Variants in PBX3 observed in about 807,000 individuals in gnomAD.
PBX3 encodes pre-B-cell leukemia transcription factor 3.
A neutral mutation model predicts 48.5 loss-of-function variants in PBX3; 14 were observed. The ratio of observed to expected loss-of-function variants is 0.29; its 90% confidence interval spans 0.19 to 0.45. PBX3 has a LOEUF of 0.45. Among genes scored for constraint, PBX3 ranks in the 20% least tolerant of loss-of-function variants. The pLI, the probability that PBX3 is intolerant of heterozygous loss-of-function variation, is 1.00. For missense variants in PBX3, 386 were observed against 546.7 expected, an observed-to-expected ratio of 0.71 and a Z score of 2.93; for synonymous variants, 210 against 200.3, an observed-to-expected ratio of 1.05 and a Z score of -0.41.
At chr9:125,769,937 A>G (rs1836899930) in intron 2 of PBX3, among the ~76,000 whole-genome samples, 1 of 152,162 alleles carries the variant, frequency 6.6e-6, no homozygotes, top group Admixed American at 6.5e-5. Flanking sequence ...AATTTATTTA[A>G]GCTCAACTGG....
At chr9:125,865,586 G>C (rs1306964709) in intron 2 of PBX3, among the ~76,000 whole-genome samples, 1 of 152,088 alleles carries the variant, frequency 6.6e-6, no homozygotes. Context: ...AATGAGCATG[G>C]ACTCCATTCC....
chr9:125,841,424 CTA>C (rs1839287212), intron 2 of PBX3, among the ~76,000 whole-genome samples: 1 of 152,140 alleles, frequency 6.6e-6, no homozygotes, highest in African/African-American at 2.4e-5. Flanking sequence ...ACCCTAGGTA[CTA>C]TGTTTTTTGT....
chr9:125,757,648 G>T (rs917296690), intron 2 of PBX3, among the ~76,000 whole-genome samples: 1 of 152,152 alleles, frequency 6.6e-6, no homozygotes, highest in Admixed American at 6.5e-5. Flanking sequence ...ATTGTGCAGT[G>T]ATTTCTGTGG....
intron 3 of PBX3, among the ~76,000 whole-genome samples, chr9:125,926,818 C>A (rs1219290981): frequency 6.6e-6 from 1 of 151,980 alleles, no homozygotes; most frequent in Admixed American, 6.6e-5. Context: ...TAAACTCCGT[C>A]TCAAAAAAAA....
intron 2 of PBX3, among the ~76,000 whole-genome samples, chr9:125,806,132 T>C (rs1838118724): frequency 6.6e-6 from 1 of 152,178 alleles, no homozygotes; most frequent in South Asian, 2.1e-4. Flanking sequence ...CTTGAGAAGA[T>C]GACTTTTGAT....
At chr9:125,918,939 A>C (rs1841393958) in intron 3 of PBX3, among the ~76,000 whole-genome samples, 1 of 152,186 alleles carries the variant, frequency 6.6e-6, no homozygotes, top group Admixed American at 6.5e-5. Context: ...CTAAGAAGGG[A>C]TAGGATTTCT....
At chr9:125,942,084 T>C (rs1841969076) in intron 5 of PBX3, among the ~76,000 whole-genome samples, 1 of 152,268 alleles carries the variant, frequency 6.6e-6, no homozygotes, top group African/African-American at 2.4e-5. Context: ...CCTGCTTTTA[T>C]AATAGTCTAA....
intron 2 of PBX3, among the ~76,000 whole-genome samples, chr9:125,834,986 C>T (rs1839080249): frequency 8.2e-6 from 1 of 121,396 alleles, no homozygotes; most frequent in African/African-American, 3.2e-5. Flanking sequence ...CACTGCACTC[C>T]AGCCTCGGTG....
At chr9:125,762,511 C>T (rs1836697155) in intron 2 of PBX3, among the ~76,000 whole-genome samples, 1 of 151,890 alleles carries the variant, frequency 6.6e-6, no homozygotes, top group Non-Finnish European at 1.5e-5. Context: ...ATTTGCATTC[C>T]AGAAATTAAG....
intron 5 of PBX3, among the ~76,000 whole-genome samples, chr9:125,943,031 T>C (rs976863992): frequency 6.6e-6 from 1 of 151,958 alleles, no homozygotes; most frequent in African/African-American, 2.4e-5. Context: ...TTTGAGGAAA[T>C]CTCTAACACT....
chr9:125,913,652 T>C (rs1295444791), intron 2 of PBX3, among the ~76,000 whole-genome samples: 1 of 152,114 alleles, frequency 6.6e-6, no homozygotes, highest in Non-Finnish European at 1.5e-5. Context: ...TCATTTTGGG[T>C]ATGGAAGTTA....
chr9:125,951,522 G>A (rs952272255), intron 5 of PBX3, among the ~76,000 whole-genome samples: 1 of 152,182 alleles, frequency 6.6e-6, no homozygotes, highest in African/African-American at 2.4e-5. Context: ...AGCAAGCATG[G>A]TGTGTATGCC....
chr9:125,950,452 T>A (rs761116922), intron 5 of PBX3, among the ~76,000 whole-genome samples: 6 of 151,940 alleles, frequency 3.9e-5, no homozygotes, highest in Non-Finnish European at 8.8e-5. Flanking sequence ...AAAGTTGGTT[T>A]TCAAGTCAGT....
chr9:125,880,738 A>C (rs1331635771), intron 2 of PBX3, among the ~76,000 whole-genome samples: 1 of 152,240 alleles, frequency 6.6e-6, no homozygotes, highest in Non-Finnish European at 1.5e-5. Context: ...ATCTTTTAGA[A>C]AAAATTTTAA....
intron 5 of PBX3, 32 bp from the exon 6 acceptor site, chr9:125,960,652 C>A (rs370261650): frequency 6.2e-7 from 1 of 1,606,632 alleles, no homozygotes; most frequent in Non-Finnish European, 8.5e-7. Flanking sequence ...TTCCTCTCTT[C>A]CCCTTCACCT....
intron 2 of PBX3, among the ~76,000 whole-genome samples, chr9:125,822,925 T>C (rs1268997936): frequency 1.3e-5 from 2 of 151,956 alleles, no homozygotes; most frequent in Non-Finnish European, 2.9e-5. Context: ...ATCATCCATA[T>C]CAATAGTTAT....
chr9:125,780,058 A>C (rs1419039879), intron 2 of PBX3, among the ~76,000 whole-genome samples: 6 of 70,356 alleles, frequency 8.5e-5, no homozygotes, highest in South Asian at 5.5e-4. Context: ...CTGGCCGGGC[A>C]GGGGGCTGAC....
rs1837266414 is a variant in PBX3 at position 125,780,798 on chromosome 9, A to G, written c.274+32175A>G. On this transcript the variant is annotated intron_variant, in intron 2 of 8. Coordinates refer to ENST00000373489, the MANE Select transcript of PBX3 (RefSeq NM_006195.6). ...GCTGACCCCCCCACCTCCCTCCCGG[A>G]CGGGGCGGCTGCCGGGCGGAGACGC... Among the ~76,000 whole-genome samples the G allele has an allele frequency of 6.3e-5, 9 of 142,834 alleles. No individual in the cohort carries two copies. The South Asian group carries it at 1.9e-3, about 30-fold the overall frequency. The allele number at this position is 142,834 out of a possible 152,430, so 93.7% of individuals were successfully genotyped here.
chr9:125,866,378 C>G (rs1310643635), intron 2 of PBX3, among the ~76,000 whole-genome samples: 1 of 152,080 alleles, frequency 6.6e-6, no homozygotes, highest in African/African-American at 2.4e-5. Context: ...TAAAATATGG[C>G]ATTATTCTAA....
Sources: allele counts gnomAD v4.1 joint callset (sites outside exome capture counted in the v4.1 genomes callset), GRCh38; gene constraint gnomAD v4.1.1; transcripts MANE v1.5; gene names NCBI Gene and HGNC (gene_info 2026-07-23, HGNC 2026-07-21).